The following TEX9 variants were observed in gnomAD, a reference collection of about 807,000 sequenced individuals.
TEX9 encodes testis-expressed protein 9.
Under a neutral mutation model 59.6 loss-of-function variants are expected in TEX9, and 74 were observed. The observed-to-expected ratio is 1.24, with a 90% CI of 1.03 to 1.51. The LOEUF (loss-of-function observed/expected upper bound fraction) is 1.51. TEX9 is among the 40% of genes most tolerant of loss of function. TEX9 has a pLI of 0.00. For synonymous variants in TEX9, 186 were observed against 152.2 expected, an observed-to-expected ratio of 1.22 and a Z score of -1.64; for missense variants, 522 against 447.8, an observed-to-expected ratio of 1.17 and a Z score of -1.49.
downstream of TEX9, among the ~76,000 whole-genome samples, chr15:56,448,609 C>T (rs768244963): frequency 4.6e-5 from 7 of 152,176 alleles, no homozygotes; most frequent in East Asian, 1.9e-4. Flanking sequence ...TATATATGTA[C>T]CACATTTTCT....
chr15:56,405,166 T>C (rs1328962630), intron 9 of TEX9, among the ~76,000 whole-genome samples: 2 of 151,352 alleles, frequency 1.3e-5, no homozygotes, highest in African/African-American at 4.9e-5. Context: ...AAGCCGGGCG[T>C]GGTGGTGGGC....
downstream of TEX9, among the ~76,000 whole-genome samples, chr15:56,448,600 A>T (rs901325861): frequency 1.3e-5 from 2 of 152,168 alleles, no homozygotes; most frequent in South Asian, 2.1e-4. Flanking sequence ...ATTCCGTGGT[A>T]TATATGTACC....
At chr15:56,265,163 CT>C (rs201903728) in intron 1 of TEX9, among the ~76,000 whole-genome samples, 658 of 134,178 alleles carry the variant, frequency 4.9e-3, no homozygotes, top group Middle Eastern at 7.8e-3. Context: ...CCTTTTCTTT[CT>C]TTTTTTTTTT....
At chr15:56,426,539 A>G in intron 10 of TEX9, among the ~76,000 whole-genome samples, 1 of 137,320 alleles carries the variant, frequency 7.3e-6, no homozygotes, top group Admixed American at 8.0e-5. Flanking sequence ...TTTGCTGACA[A>G]CACTCTTATC....
the TEX9 span, chr15:56,456,329 C>A: frequency 6.9e-7 from 1 of 1,451,170 alleles, no homozygotes; most frequent in Non-Finnish European, 9.2e-7. Flanking sequence ...CTTTCAGGTG[C>A]TAAGGATTAC....
At chr15:56,447,096 A>C, downstream of TEX9, 2 of 586,662 alleles carry the variant, frequency 3.4e-6, no homozygotes, top group Non-Finnish European at 5.9e-6. Flanking sequence ...CATTATATTT[A>C]ATGGATGCCT....
chr15:56,315,113 G>C (rs1287839551), intron 1 of TEX9, among the ~76,000 whole-genome samples: 1 of 150,636 alleles, frequency 6.6e-6, no homozygotes, highest in Non-Finnish European at 1.5e-5. Flanking sequence ...CAATTTGCCA[G>C]TCTGTGTCTT....
At chr15:56,375,409 A>T (rs1378209871) in intron 3 of TEX9, among the ~76,000 whole-genome samples, 1 of 151,562 alleles carries the variant, frequency 6.6e-6, no homozygotes, top group Non-Finnish European at 1.5e-5. Flanking sequence ...TAGATTCTGG[A>T]TATTAGCCCT....
chr15:56,365,460 C>G lies in TEX9; in HGVS notation c.10C>G (p.Arg4Gly), dbSNP rs772645619. The change falls in exon 1 of 13, where the codon CGA becomes GGA. Residue 4 changes from arginine to glycine, a missense_variant. Transcript: ENST00000352903. The stretch of plus-strand genomic sequence containing the variant: ...GTCGCAGTCGCCGAAGATGGCGGGG[C>G]GAAGTCTGTGTCTCACGGTCAGTTC... 3 of 1,612,704 alleles carry G rather than the reference C, an allele frequency of 1.9e-6. No homozygotes were observed. Among genetic ancestry groups the G allele is most frequent in the Non-Finnish European group, 2.5e-6 (3 of 1,179,396 alleles).
intron 10 of TEX9, among the ~76,000 whole-genome samples, chr15:56,425,924 G>GTGTC (rs2140269428): frequency 6.6e-6 from 1 of 152,284 alleles, no homozygotes; most frequent in African/African-American, 2.4e-5. Context: ...TTCTGGGGTT[G>GTGTC]TGTCTTTCCT....
intron 1 of TEX9, among the ~76,000 whole-genome samples, chr15:56,336,446 G>T (rs1485143447): frequency 1.3e-5 from 2 of 152,060 alleles, no homozygotes; most frequent in Non-Finnish European, 2.9e-5. Flanking sequence ...ATATCTCCCA[G>T]ATTACCAAAT....
intron 1 of TEX9, among the ~76,000 whole-genome samples, chr15:56,336,204 G>C (rs1411498963): frequency 6.6e-6 from 1 of 151,992 alleles, no homozygotes; most frequent in Non-Finnish European, 1.5e-5. Flanking sequence ...TCTTAGGTTG[G>C]GTTTCTGGGA....
intron 1 of TEX9, among the ~76,000 whole-genome samples, chr15:56,340,497 T>C (rs1336432654): frequency 6.6e-6 from 1 of 152,194 alleles, no homozygotes; most frequent in Non-Finnish European, 1.5e-5. Context: ...TCATTTAAAA[T>C]AAGCCATTGC....
chr15:56,436,370 G>A (rs533641027), intron 12 of TEX9, among the ~76,000 whole-genome samples: 6 of 152,256 alleles, frequency 3.9e-5, no homozygotes, highest in East Asian at 1.9e-4. Context: ...GATGCATAAC[G>A]AAATGAAGGC....
intron 1 of TEX9, among the ~76,000 whole-genome samples, chr15:56,276,492 T>A (rs138876733): frequency 5.2e-4 from 79 of 152,318 alleles, no homozygotes; most frequent in African/African-American, 1.9e-3. Context: ...TCCATGTCCC[T>A]GCAAAGGACA....
At chr15:56,391,602 A>G (rs781570483) in intron 7 of TEX9, among the ~76,000 whole-genome samples, 184 bp downstream of exon 7, 3 of 151,974 alleles carry the variant, frequency 2.0e-5, no homozygotes, top group Non-Finnish European at 4.4e-5. Flanking sequence ...AAAATTGGCC[A>G]TGGGTCAGTC....
intron 1 of TEX9, among the ~76,000 whole-genome samples, chr15:56,248,427 A>G (rs2043918927): frequency 6.6e-6 from 1 of 152,148 alleles, no homozygotes. Context: ...CACTGTCACT[A>G]CCTGGCTATG....
chr15:56,434,245 G>A (rs201186164), intron 12 of TEX9: 7 of 1,613,778 alleles, frequency 4.3e-6, no homozygotes, highest in East Asian at 2.2e-5. Context: ...AATTCTATTC[G>A]ATCATCCTCA....
At chr15:56,260,234 T>G (rs2044233723) in intron 1 of TEX9, among the ~76,000 whole-genome samples, 1 of 152,152 alleles carries the variant, frequency 6.6e-6, no homozygotes, top group Non-Finnish European at 1.5e-5. Flanking sequence ...CTTTCATGCC[T>G]TGTGGCACTG....
Sources: gnomAD v4.1 joint callset for allele counts (sites outside exome capture counted in the v4.1 genomes callset) on GRCh38, gnomAD v4.1.1 for gene constraint, MANE v1.5 for transcripts, NCBI Gene and HGNC (gene_info 2026-07-23, HGNC 2026-07-21) for gene names.